The following CMTM8 variants were observed in gnomAD, a reference collection of about 807,000 sequenced individuals.
CMTM8 encodes CKLF like MARVEL transmembrane domain containing 8.
In CMTM8, 12 loss-of-function variants were observed where a neutral mutation model predicts 18.6. The ratio of observed to expected loss-of-function variants is 0.65; its 90% CI spans 0.41 to 1.05. The LOEUF is 1.05. CMTM8 is among the 50% of genes least tolerant of loss of function. CMTM8 has a pLI of 0.00. For missense variants in CMTM8, 217 were observed against 227.2 expected, an observed-to-expected ratio of 0.95 and a Z score of 0.29; for synonymous variants, 87 against 90.6, an observed-to-expected ratio of 0.96 and a Z score of 0.23.
intron 1 of CMTM8, among the ~76,000 whole-genome samples, chr3:32,326,519 T>C (rs1022799689): frequency 2.1e-4 from 30 of 145,414 alleles, no homozygotes; most frequent in African/African-American, 4.1e-4. Context: ...TTCTTTCTTT[T>C]TTTTTTTTTT....
upstream of CMTM8, chr3:32,238,369 C>T (rs996482017): frequency 6.6e-6 from 1 of 152,338 alleles, no homozygotes; most frequent in African/African-American, 2.4e-5. Context: ...CCTTAAGGGG[C>T]CCCAATGCCC....
intron 1 of CMTM8, among the ~76,000 whole-genome samples, chr3:32,326,912 G>A (rs187461762): frequency 1.5e-3 from 230 of 152,246 alleles, no homozygotes; most frequent in Non-Finnish European, 2.8e-3. Flanking sequence ...AACATGTCTT[G>A]ATGGGATTCC....
intron 1 of CMTM8, 40 bp downstream of exon 1, chr3:32,239,159 G>T: frequency 6.4e-7 from 1 of 1,557,066 alleles, no homozygotes; most frequent in South Asian, 1.2e-5. Context: ...GGGCTCAGCT[G>T]GACCCCGGCG....
chr3:32,269,407 C>T (rs1575153313), intron 1 of CMTM8, among the ~76,000 whole-genome samples: 2 of 152,324 alleles, frequency 1.3e-5, no homozygotes, highest in South Asian at 4.1e-4. Context: ...TTTTCATTTT[C>T]ATTCACTTTT....
At chr3:32,239,822 T>G (rs1259145932) in intron 1 of CMTM8, among the ~76,000 whole-genome samples, 1 of 152,122 alleles carries the variant, frequency 6.6e-6, no homozygotes, top group East Asian at 1.9e-4. Context: ...CAGTTAGAGG[T>G]GGTCACTGTT....
chr3:32,325,810 G>A (rs1462971950), intron 1 of CMTM8, among the ~76,000 whole-genome samples: 2 of 152,138 alleles, frequency 1.3e-5, no homozygotes, highest in Non-Finnish European at 2.9e-5. Context: ...AAAATTAGTT[G>A]TGCACTGCAG....
intron 1 of CMTM8, among the ~76,000 whole-genome samples, chr3:32,269,854 T>G (rs1343592422): frequency 1.3e-5 from 2 of 151,550 alleles, no homozygotes; most frequent in Non-Finnish European, 2.9e-5. Flanking sequence ...CATAGTTCAC[T>G]CTAAACTTGA....
At chr3:32,281,497 C>T (rs1702610242) in intron 1 of CMTM8, among the ~76,000 whole-genome samples, 1 of 152,222 alleles carries the variant, frequency 6.6e-6, no homozygotes, top group African/African-American at 2.4e-5. Context: ...GTTAAAATTT[C>T]CTGGAGATAA....
chr3:32,283,765 A>G (rs1274325577), intron 1 of CMTM8, among the ~76,000 whole-genome samples: 3 of 152,184 alleles, frequency 2.0e-5, no homozygotes, highest in Admixed American at 2.0e-4. Context: ...CCGAGGAGGA[A>G]TAAGCAAGAA....
chr3:32,273,129 A>ATATGTGTG (rs138455459), intron 1 of CMTM8, among the ~76,000 whole-genome samples: 2 of 142,930 alleles, frequency 1.4e-5, no homozygotes, highest in African/African-American at 5.2e-5. Flanking sequence ...ATTGGAACAA[A>ATATGTGTG]TGTGTGTGTG....
chr3:32,318,223 A>G (rs1363071617), intron 1 of CMTM8, among the ~76,000 whole-genome samples: 1 of 151,876 alleles, frequency 6.6e-6, no homozygotes, highest in South Asian at 2.1e-4. Context: ...TCTAGAGAGT[A>G]GGCAGGAAAA....
At chr3:32,346,023 T>C (rs1168706841) in intron 1 of CMTM8, among the ~76,000 whole-genome samples, 1 of 152,154 alleles carries the variant, frequency 6.6e-6, no homozygotes, top group Non-Finnish European at 1.5e-5. Flanking sequence ...GCGTGGTGGC[T>C]CATGCCTGTA....
At chr3:32,243,394 G>A (rs1433331313) in intron 1 of CMTM8, among the ~76,000 whole-genome samples, 1 of 151,830 alleles carries the variant, frequency 6.6e-6, no homozygotes, top group African/African-American at 2.4e-5. Flanking sequence ...AGCCCAGCAT[G>A]GTGCTGGGCA....
intron 2 of CMTM8, among the ~76,000 whole-genome samples, chr3:32,361,286 G>GTTTTTTTTTTTTTTTTTTT (rs58364646): frequency 6.9e-5 from 6 of 87,262 alleles, no homozygotes; most frequent in Admixed American, 2.5e-4. Context: ...CAGCCTAAGA[G>GTTTTTTTTTTTTTTTTTTT]TTTTTTTTTC....
chr3:32,240,916 T>C (rs978733320), intron 1 of CMTM8, among the ~76,000 whole-genome samples: 1 of 152,154 alleles, frequency 6.6e-6, no homozygotes, highest in African/African-American at 2.4e-5. Flanking sequence ...GCCTCCCAAG[T>C]AGCTGAGACC....
At chr3:32,284,271 C>CA (rs1198688369) in intron 1 of CMTM8, among the ~76,000 whole-genome samples, 1 of 152,032 alleles carries the variant, frequency 6.6e-6, no homozygotes, top group African/African-American at 2.4e-5. Flanking sequence ...ACAACAATAA[C>CA]AAAAAAATAT....
intron 1 of CMTM8, among the ~76,000 whole-genome samples, chr3:32,265,926 G>C (rs1322926388): frequency 1.1e-4 from 16 of 152,184 alleles, no homozygotes; most frequent in Non-Finnish European, 2.1e-4. Context: ...TCTCTGAATA[G>C]ACCAATAACA....
At chr3:32,277,895 G>GT (rs1237672427) in intron 1 of CMTM8, among the ~76,000 whole-genome samples, 1 of 152,170 alleles carries the variant, frequency 6.6e-6, no homozygotes, top group African/African-American at 2.4e-5. Context: ...ATGTAAGAGT[G>GT]TTGGTCAAGA....
chr3:32,326,502 CTTTT>C (rs1314378609), intron 1 of CMTM8, among the ~76,000 whole-genome samples: 7 of 147,896 alleles, frequency 4.7e-5, no homozygotes, highest in Admixed American at 3.5e-4. Flanking sequence ...GAGGTCCTGA[CTTTT>C]CTTTCTTTCT....
Sources: gnomAD v4.1 joint callset for allele counts (sites outside exome capture counted in the v4.1 genomes callset) on GRCh38, gnomAD v4.1.1 for gene constraint, MANE v1.5 for transcripts, NCBI Gene and HGNC (gene_info 2026-07-23, HGNC 2026-07-21) for gene names.